HAS3: variants seen among roughly 807,000 people sequenced by gnomAD.
The protein encoded by HAS3 is HA synthase 3.
In HAS3, 27 loss-of-function variants were observed where a neutral mutation model predicts 50.3. The ratio of observed to expected loss-of-function variants is 0.54; its 90% CI spans 0.40 to 0.74. The LOEUF (loss-of-function observed/expected upper bound fraction) is 0.74. Among genes scored for constraint, HAS3 ranks in the 30% least tolerant of loss-of-function variants. The probability of loss-of-function intolerance (pLI) is 0.00; values close to 1 mark genes in which losing one functional copy is unlikely to be tolerated. For missense variants in HAS3, 517 were observed against 742.8 expected, an observed-to-expected ratio of 0.70 and a Z score of 3.53; for synonymous variants, 339 against 310.9, an observed-to-expected ratio of 1.09 and a Z score of -0.95.
Position 69,116,804 on chromosome 16 carries a change from G to T in HAS3, c.*1538G>T. 1 of 985,412 alleles carries T rather than the reference G, an allele frequency of 1.0e-6. No individual in the cohort carries two copies. The highest frequency in any genetic ancestry group is 1.2e-6 in the Non-Finnish European group (1 of 829,938). The allele number at this position is 985,412 out of a possible 1,614,324, so 61.0% of individuals were successfully genotyped here. On this transcript the variant is annotated 3_prime_UTR_variant, in exon 4 of 4. Coordinates refer to ENST00000569188, the MANE Select transcript of HAS3 (RefSeq NM_001199280.2). ...AACCTGGGATCCTGACTAAGCCTTT[G>T]ACTTAAGGGTTGCTTGCTTGCCCTC...
chr16:69,090,089 A>T, the HAS3 span, among the ~76,000 whole-genome samples: 2 of 152,150 alleles, frequency 1.3e-5, no homozygotes, highest in African/African-American at 4.8e-5. Context: ...TCTGTTGAAT[A>T]CAATGGAGCT....
intron 2 of HAS3, among the ~76,000 whole-genome samples, chr16:69,110,358 G>T (rs1960959525): frequency 6.6e-6 from 1 of 152,170 alleles, no homozygotes; most frequent in African/African-American, 2.4e-5. Flanking sequence ...GGCTGAGGCA[G>T]GAGAATGGCT....
the HAS3 span, among the ~76,000 whole-genome samples, chr16:69,090,041 T>G: frequency 9.8e-5 from 15 of 152,344 alleles, no homozygotes; most frequent in Admixed American, 3.3e-4. Flanking sequence ...GGAGCCTGTT[T>G]ACTACATCGG....
chr16:69,096,385 A>T, the HAS3 span, among the ~76,000 whole-genome samples: 6 of 151,232 alleles, frequency 4.0e-5, no homozygotes, highest in Admixed American at 1.3e-4. Flanking sequence ...ATTTTTTGAC[A>T]ATTAGCCAGG....
At chr16:69,092,338 C>T in the HAS3 span, among the ~76,000 whole-genome samples, 1 of 152,176 alleles carries the variant, frequency 6.6e-6, no homozygotes, top group Non-Finnish European at 1.5e-5. Context: ...ACGTGGTGGT[C>T]ACACCTGTAA....
Position 69,109,847 on chromosome 16 carries a change from G to A in HAS3, c.452G>A (p.Trp151Ter). The A allele has an allele frequency of 6.2e-7, 1 of 1,613,446 alleles. No individual in the cohort carries two copies. Among genetic ancestry groups the A allele is most frequent in the Non-Finnish European group, 8.5e-7 (1 of 1,180,034 alleles). Residue 151 changes from tryptophan to a stop codon, truncating the protein, a stop_gained, in exon 2 of 4, where the codon TGG becomes TAG. Transcript: ENST00000569188. LOFTEE classifies it high-confidence loss of function. This position sits in a 1 kb window ranked among gnomAD's most constrained non-coding sequence, Gnocchi z 5.3. Reference protein sequence around the residue: ...GGTEQAGFFVWRSNFHEAGEG... With the variant: ...GGTEQAGFFV The stretch of plus-strand genomic sequence containing the variant: ...ACCGAGCAGGCCGGCTTCTTTGTGT[G>A]GCGCAGCAACTTCCATGAGGCAGGC...
the HAS3 span, among the ~76,000 whole-genome samples, chr16:69,087,555 CT>C: frequency 2.0e-5 from 3 of 149,050 alleles, no homozygotes; most frequent in Non-Finnish European, 3.0e-5. Flanking sequence ...TTTGTTGTTG[CT>C]TTTTTTTTTC....
chr16:69,111,562 C>A (rs1961002664), intron 2 of HAS3, among the ~76,000 whole-genome samples: 1 of 152,244 alleles, frequency 6.6e-6, no homozygotes, highest in Admixed American at 6.5e-5. Flanking sequence ...TACGATTTTT[C>A]TCTGGTGTAC....
At chr16:69,093,225 T>C in the HAS3 span, among the ~76,000 whole-genome samples, 4 of 152,240 alleles carry the variant, frequency 2.6e-5, no homozygotes, top group Non-Finnish European at 4.4e-5. Flanking sequence ...TTTTTTGTTT[T>C]GTTTTTTGAG....
At chr16:69,098,112 G>A in the HAS3 span, among the ~76,000 whole-genome samples, 2 of 152,158 alleles carry the variant, frequency 1.3e-5, no homozygotes, top group Non-Finnish European at 2.9e-5. Context: ...TGCCAGGCGC[G>A]GTGGCTCATG....
intron 1 of HAS3, 121 bp downstream of exon 1, chr16:69,105,908 A>G (rs1326096291): frequency 2.0e-5 from 3 of 152,282 alleles, no homozygotes; most frequent in Non-Finnish European, 4.4e-5. Flanking sequence ...GGTTGAGCCC[A>G]ATGACCGTCT....
At chr16:69,087,942 GT>G in the HAS3 span, among the ~76,000 whole-genome samples, 1,875 of 151,770 alleles carry the variant, frequency 0.012, 41 homozygotes, top group African/African-American at 0.041. Flanking sequence ...GACCTCAGGT[GT>G]TCTGCCCGCC....
the HAS3 span, among the ~76,000 whole-genome samples, chr16:69,095,514 A>AT: frequency 1.4e-3 from 199 of 144,846 alleles, no homozygotes; most frequent in East Asian, 0.02. Flanking sequence ...TGCCTGGGGA[A>AT]TTTTTTTTTT....
At chr16:69,095,139 A>G in the HAS3 span, among the ~76,000 whole-genome samples, 2 of 151,860 alleles carry the variant, frequency 1.3e-5, no homozygotes, top group Admixed American at 1.3e-4. Context: ...GCGTCACCAC[A>G]CCTGGCTAAT....
At chr16:69,112,108 CTT>C (rs1463931375) in intron 2 of HAS3, among the ~76,000 whole-genome samples, 1 of 152,256 alleles carries the variant, frequency 6.6e-6, no homozygotes, top group Non-Finnish European at 1.5e-5. Context: ...CACGAGAGCT[CTT>C]CTTTCCCTAA....
chr16:69,093,473 A>G, the HAS3 span, among the ~76,000 whole-genome samples: 1 of 151,112 alleles, frequency 6.6e-6, no homozygotes, highest in African/African-American at 2.4e-5. Flanking sequence ...TTGACCTCCC[A>G]AAGTACTGGG....
At position 69,114,357 on chromosome 16, in the gene HAS3, C is replaced by T. The variant is rs369532715; in HGVS notation, c.753C>T (p.Tyr251=). 1.4e-5 allele frequency: 23 copies of T among 1,600,048 alleles called. No homozygotes were observed. Among genetic ancestry groups the T allele is most frequent in the African/African-American group, 9.3e-5 (7 of 74,972 alleles). ...TTCCCTTGCAGATCCTCAACAAGTA[C>T]GACTCATGGATTTCCTTCCTGAGCA... The part of the protein sequence containing the change: ...VGGDVQILNK[Y]DSWISFLSSV... The change falls in exon 4 of 4, where the codon TAC becomes TAT. Residue 251 remains tyrosine (Y), a synonymous_variant. Coordinates refer to ENST00000569188, the MANE Select transcript of HAS3 (RefSeq NM_001199280.2). The surrounding 1 kb of genome is among the most constrained non-coding windows in gnomAD (Gnocchi z 6.4).
At chr16:69,093,032 T>C in the HAS3 span, among the ~76,000 whole-genome samples, 1 of 152,136 alleles carries the variant, frequency 6.6e-6, no homozygotes, top group African/African-American at 2.4e-5. Flanking sequence ...AAGACTGCCT[T>C]CCTGGGAGCA....
chr16:69,117,915 G>A (rs1002433966), downstream of HAS3: 6 of 172,822 alleles, frequency 3.5e-5, no homozygotes, highest in African/African-American at 9.6e-5. Context: ...CATTTTAGCC[G>A]ACATGATGTA....
Sources: allele counts gnomAD v4.1 joint callset (sites outside exome capture counted in the v4.1 genomes callset), GRCh38; gene constraint gnomAD v4.1.1; non-coding constraint Gnocchi (gnomAD v3.1); transcripts MANE v1.5; gene names NCBI Gene and HGNC (gene_info 2026-07-23, HGNC 2026-07-21).